The following SLC35G1 variants were observed in gnomAD, a reference collection of about 807,000 sequenced individuals.
SLC35G1 encodes partner of STIM1.
SLC35G1 carries 10 observed loss-of-function variants against 17.1 expected under a neutral mutation model. The observed-to-expected ratio is 0.59, with a 90% CI of 0.36 to 0.99. SLC35G1 has a LOEUF of 0.99. Among genes scored for constraint, SLC35G1 ranks in the 50% least tolerant of loss-of-function variants. The pLI, the probability that SLC35G1 is intolerant of heterozygous loss-of-function variation, is 0.01. For synonymous variants in SLC35G1, 185 were observed against 181.1 expected (o/e 1.02, Z -0.18); for missense variants, 433 against 468.4 (o/e 0.92, Z 0.70).
downstream of SLC35G1, chr10:93,907,692 A>G (rs971354445): frequency 6.6e-6 from 1 of 152,200 alleles, no homozygotes; most frequent in Admixed American, 6.5e-5. Flanking sequence ...AACTGTTAAC[A>G]TTGGTTGCCT....
intron 1 of SLC35G1, among the ~76,000 whole-genome samples, chr10:93,894,518 C>G (rs950142614): frequency 6.6e-6 from 1 of 152,064 alleles, no homozygotes; most frequent in African/African-American, 2.4e-5. Context: ...CGTACCCTCC[C>G]CTAGGTCGTA....
In SLC35G1 at chr10:93,901,270, T is replaced by A. The variant is rs1379432503; in HGVS notation, c.878T>A (p.Leu293His). 1 of 1,613,736 alleles carries A rather than the reference T, an allele frequency of 6.2e-7. No individual in the cohort carries two copies. The highest frequency in any genetic ancestry group is 8.5e-7 in the Non-Finnish European group (1 of 1,179,832). ...AGGCTATTTCTCATATTCATTGGGC[T>A]CTTTGGTTTGGGGGGTCAGATATTT... The part of the protein sequence containing the change: ...LDRLFLIFIG[L>H]FGLGGQIFIT... The change falls in exon 3 of 3, where the codon CTC (leucine) becomes CAC (histidine). Residue 293 changes from leucine to histidine, a missense_variant. Transcript: ENST00000427197.
At chr10:93,896,262 C>G (rs2060328997) in intron 1 of SLC35G1, among the ~76,000 whole-genome samples, 1 of 152,162 alleles carries the variant, frequency 6.6e-6, no homozygotes, top group Non-Finnish European at 1.5e-5. Flanking sequence ...TCCCAAGGTG[C>G]TGGGATTACA....
At chr10:93,900,610 T>TA in intron 2 of SLC35G1, 142 bp from the exon 3 acceptor site, 1 of 710,496 alleles carries the variant, frequency 1.4e-6, no homozygotes, top group South Asian at 2.8e-5. Context: ...TATATAATAT[T>TA]CATTTGTGGA....
chr10:93,907,718 C>T (rs1009056269), downstream of SLC35G1: 3 of 151,958 alleles, frequency 2.0e-5, no homozygotes, highest in Non-Finnish European at 2.9e-5. Context: ...AGCTGAAGGG[C>T]GAGGTGAGAG....
chr10:93,898,778 A>G (rs763432192), intron 2 of SLC35G1, 27 bp downstream of exon 2: 4 of 1,580,270 alleles, frequency 2.5e-6, no homozygotes, highest in Non-Finnish European at 3.4e-6. Context: ...TGCAAAGTAG[A>G]AGATATTAAT....
chr10:93,904,415 C>A (rs190196689), downstream of SLC35G1, among the ~76,000 whole-genome samples: 1 of 152,330 alleles, frequency 6.6e-6, no homozygotes, highest in Non-Finnish European at 1.5e-5. Context: ...TCTGGCCCTA[C>A]TCCCACTTCT....
Position 93,897,298 on chromosome 10 carries a change from C to A in SLC35G1, c.179-1273C>A, listed in dbSNP as rs532741057. 2.6e-5 allele frequency among the ~76,000 whole-genome samples: 4 copies of A among 152,270 alleles called. No individual in the cohort carries two copies. The South Asian group carries it at 8.3e-4, about 32-fold the overall frequency. On this transcript the variant is annotated intron_variant, in intron 1 of 2. Coordinates refer to ENST00000427197, the MANE Select transcript of SLC35G1 (RefSeq NM_001134658.3). ...CAGTTTGCAAAGTCATCTCACTAAC[C>A]TGAGGATGTGTAAATGTGTTACCTG...
At position 93,894,107 on chromosome 10, in the gene SLC35G1, C is replaced by T. The variant is rs2060304566; in HGVS notation, c.74C>T (p.Pro25Leu). 2 of 1,489,316 alleles carry T rather than the reference C, an allele frequency of 1.3e-6. No individual in the cohort carries two copies. Among genetic ancestry groups the T allele is most frequent in the Non-Finnish European group, 8.9e-7 (1 of 1,127,190 alleles). 92.3% of individuals were successfully genotyped at this position (1,489,316 alleles called of 1,614,324 possible). Reference sequence around the variant, plus strand: ...CTGCCGCTAACGGACGATGCACCCCCGGGCGCCACTGAGGAGCCGGCGGCC... The same window carrying T: ...CTGCCGCTAACGGACGATGCACCCCTGGGCGCCACTGAGGAGCCGGCGGCC... ...PGLPLTDDAP[P>L]GATEEPAAAE... Residue 25 changes from proline to leucine, a missense_variant, in exon 1 of 3, where the codon CCG becomes CTG. Coordinates refer to ENST00000427197, the MANE Select transcript of SLC35G1 (RefSeq NM_001134658.3).
downstream of SLC35G1, chr10:93,908,504 G>A (rs2060441151): frequency 1.3e-5 from 2 of 152,172 alleles, no homozygotes; most frequent in Non-Finnish European, 2.9e-5. Flanking sequence ...GTTGGTTTTT[G>A]ACTTTGGGAT....
In SLC35G1 at chr10:93,901,685, C is replaced by G. The variant is rs561382695; in HGVS notation, c.*195C>G. The G allele has an allele frequency of 3.4e-6, 2 of 594,674 alleles. No homozygotes were observed. Among genetic ancestry groups the G allele is most frequent in the South Asian group, 7.1e-5 (1 of 14,142 alleles). 36.8% of individuals were successfully genotyped at this position (594,674 alleles called of 1,614,324 possible). A position where few individuals can be genotyped will look rare whatever the true frequency, so the allele number is the denominator to read the frequency against. ...GTTTGGTGTAACAATTTTTTGGTAG[C>G]TTTGGTTTTGGTTTTGGTTTTTTTT... is the stretch of plus-strand genomic sequence containing the variant. On this transcript the variant is annotated 3_prime_UTR_variant, in exon 3 of 3. Transcript: ENST00000427197.
rs555582278 is a variant in SLC35G1, at chr10:93,903,807, TA to T, written c.*2319del. On this transcript the variant is annotated 3_prime_UTR_variant, in exon 3 of 3. Transcript: ENST00000427197. ...ATTGTTTTTATAAGTACTAATAAAATAATATGAAAGAAAGCTATATGTTGGT... is the reference window on the plus strand; with the variant it reads ...ATTGTTTTTATAAGTACTAATAAAATATATGAAAGAAAGCTATATGTTGGT... 24 of 152,344 alleles carry T rather than the reference TA, an allele frequency of 1.6e-4. No individual in the cohort carries two copies. The East Asian group carries it at 4.6e-3, about 29-fold the overall frequency. The allele number at this position is 152,344 out of a possible 1,614,324, so 9.4% of individuals were successfully genotyped here.
downstream of SLC35G1, chr10:93,906,462 A>G (rs1226160044): frequency 6.6e-6 from 1 of 152,232 alleles, no homozygotes; most frequent in Non-Finnish European, 1.5e-5. Flanking sequence ...GAGCAGAGAC[A>G]AGCCCTCCTC....
At position 93,901,259 on chromosome 10, in the gene SLC35G1, A is replaced by G; in HGVS notation, c.867A>G (p.Ile289Met). The G allele has an allele frequency of 6.2e-7, 1 of 1,613,864 alleles. No homozygotes were observed. ...GTGGGTTGGACAGGCTATTTCTCATATTCATTGGGCTCTTTGGTTTGGGGG... is the reference window on the plus strand; with the variant it reads ...GTGGGTTGGACAGGCTATTTCTCATGTTCATTGGGCTCTTTGGTTTGGGGG... Reference protein sequence around the residue: ...PYCGLDRLFLIFIGLFGLGGQ... With the variant: ...PYCGLDRLFLMFIGLFGLGGQ... The change falls in exon 3 of 3, where the codon ATA becomes ATG. Residue 289 changes from isoleucine to methionine, a missense_variant. Ile to Met is a conservative substitution (Grantham distance 10, BLOSUM62 1). Coordinates refer to ENST00000427197, the MANE Select transcript of SLC35G1 (RefSeq NM_001134658.3).
Position 93,901,024 on chromosome 10 carries a change from C to G in SLC35G1, c.632C>G (p.Thr211Ser). The G allele has an allele frequency of 1.2e-6, 2 of 1,614,058 alleles. No individual in the cohort carries two copies. The change falls in exon 3 of 3, where the codon ACT becomes AGT. Residue 211 changes from threonine to serine, a missense_variant. By Grantham distance (58) the Thr-to-Ser change is moderately conservative. Transcript: ENST00000427197. Reference sequence around the variant, plus strand: ...CCACCATTTTTGTTTGGTTCCGACACTTCGGGGATGGAAGAAAGCTATTCA... The same window carrying G: ...CCACCATTTTTGTTTGGTTCCGACAGTTCGGGGATGGAAGAAAGCTATTCA... ...VRPPFLFGSD[T>S]SGMEESYSGH...
At chr10:93,908,142 G>A (rs1224966400), downstream of SLC35G1, 1 of 152,206 alleles carries the variant, frequency 6.6e-6, no homozygotes, top group African/African-American at 2.4e-5. Flanking sequence ...AGAAAGCGTT[G>A]TGTGGCCCTG....
chr10:93,901,279 TG>T lies in SLC35G1; in HGVS notation c.893del (p.Gly298ValfsTer11), dbSNP rs769917465. 8 of 1,613,676 alleles carry T rather than the reference TG, an allele frequency of 5.0e-6. No individual in the cohort carries two copies. In the Admixed American group the frequency reaches 1.2e-4, roughly 24 times the overall value. ...LFLIFIGLFG[L>X]GGQIFITKAL... Reference sequence around the variant, plus strand: ...CTCATATTCATTGGGCTCTTTGGTTTGGGGGGTCAGATATTTATCACAAAAG... The same window carrying T: ...CTCATATTCATTGGGCTCTTTGGTTTGGGGGTCAGATATTTATCACAAAAG... On this transcript the variant is annotated frameshift_variant, in exon 3 of 3. Coordinates refer to ENST00000427197, the MANE Select transcript of SLC35G1 (RefSeq NM_001134658.3). LOFTEE classifies it high-confidence loss of function.
intron 1 of SLC35G1, 108 bp downstream of exon 1, chr10:93,894,319 C>A: frequency 9.3e-7 from 1 of 1,080,556 alleles, no homozygotes; most frequent in Non-Finnish European, 1.2e-6. Flanking sequence ...GCGCCTCCGT[C>A]CCCACCCTGC....
Position 93,898,649 on chromosome 10 carries a change from CTTTA to C in SLC35G1, c.261_264del (p.Phe88LeufsTer10). 6.2e-7 allele frequency: 1 copy of C among 1,613,768 alleles called. No individual in the cohort carries two copies. Among genetic ancestry groups the C allele is most frequent in the Non-Finnish European group, 8.5e-7 (1 of 1,179,894 alleles). ...TCTGCCTTCCTTTTCTCAGTGGGCT[CTTTA>C]TTTGTTAAAAAAGTGCAAGACGTCC... is the stretch of plus-strand genomic sequence containing the variant. On this transcript the variant is annotated frameshift_variant, in exon 2 of 3. Coordinates refer to ENST00000427197, the MANE Select transcript of SLC35G1 (RefSeq NM_001134658.3). LOFTEE classifies it high-confidence loss of function.
Sources: gnomAD v4.1 joint callset for allele counts (sites outside exome capture counted in the v4.1 genomes callset) on GRCh38, gnomAD v4.1.1 for gene constraint, MANE v1.5 for transcripts, NCBI Gene and HGNC (gene_info 2026-07-23, HGNC 2026-07-21) for gene names.